Variants in TMEM178B observed in about 807,000 individuals in gnomAD.
The protein encoded by TMEM178B is transmembrane protein 178B.
In TMEM178B, 5 loss-of-function variants were observed where a neutral mutation model predicts 31.0. That is an observed-to-expected ratio of 0.16 (90% CI 0.08 to 0.34). The LOEUF (loss-of-function observed/expected upper bound fraction) is 0.34, where lower values mean the gene tolerates loss of function less well. Ranked by LOEUF, TMEM178B falls within the 10% of genes least tolerant of loss-of-function variation. The pLI, the probability that TMEM178B is intolerant of heterozygous loss-of-function variation, is 1.00. For synonymous variants in TMEM178B, 164 were observed against 164.0 expected, an observed-to-expected ratio of 1.00 and a Z score of 0.00; for missense variants, 275 against 400.3, an observed-to-expected ratio of 0.69 and a Z score of 2.67.
chr7:141,360,762 T>C (rs1799904612), intron 2 of TMEM178B, among the ~76,000 whole-genome samples: 1 of 152,224 alleles, frequency 6.6e-6, no homozygotes, highest in Middle Eastern at 3.2e-3. Context: ...AATAAAACAG[T>C]GTTTTAACTG....
At chr7:141,378,113 T>G (rs1372562737) in intron 2 of TMEM178B, among the ~76,000 whole-genome samples, 1 of 152,182 alleles carries the variant, frequency 6.6e-6, no homozygotes, top group Non-Finnish European at 1.5e-5. Context: ...ACCTTGACAG[T>G]TTTGAAGAAT....
At chr7:141,313,345 C>G (rs1336115262) in intron 2 of TMEM178B, among the ~76,000 whole-genome samples, 1 of 152,174 alleles carries the variant, frequency 6.6e-6, no homozygotes, top group East Asian at 1.9e-4. Flanking sequence ...CTCTTGGGCT[C>G]TCTCACGGTT....
chr7:141,287,969 C>T (rs566637602), intron 2 of TMEM178B, among the ~76,000 whole-genome samples: 13 of 152,282 alleles, frequency 8.5e-5, no homozygotes, highest in Admixed American at 2.0e-4. Flanking sequence ...TTCATCATTT[C>T]TTGCTTGTTT....
rs1799576439 is a variant in TMEM178B, at chr7:141,344,574, C to CCATTCCTT, written c.497-93033_497-93032insATTCCTTC. On this transcript the variant is annotated intron_variant, in intron 2 of 3. Transcript: ENST00000565468. The surrounding 1 kb of genome is among the most constrained non-coding windows in gnomAD (Gnocchi z 4.1). ...CTCCCTCCCTCCATTCCTCCCTCCT[C>CCATTCCTT]CCTTCCTTCCTTCCTTCCTTCCTTC... Among the ~76,000 whole-genome samples the CCATTCCTT allele has an allele frequency of 3.6e-5, 5 of 137,236 alleles. No homozygotes were observed. The highest frequency in any genetic ancestry group is 2.2e-4 in the Admixed American group (3 of 13,636). 90.0% of individuals were successfully genotyped at this position (137,236 alleles called of 152,430 possible).
intron 2 of TMEM178B, among the ~76,000 whole-genome samples, chr7:141,239,712 C>T (rs1797589806): frequency 6.6e-6 from 1 of 152,184 alleles, no homozygotes; most frequent in Non-Finnish European, 1.5e-5. Context: ...TGGGCTCATC[C>T]ATGGTGGTTT....
At chr7:141,251,315 T>C (rs1277729255) in intron 2 of TMEM178B, among the ~76,000 whole-genome samples, 2 of 151,728 alleles carry the variant, frequency 1.3e-5, no homozygotes, top group African/African-American at 2.4e-5. Context: ...GAATGACAGC[T>C]AGAGTGGCCT....
chr7:141,135,182 G>A lies in TMEM178B; in HGVS notation c.382+60490G>A, dbSNP rs557983903. Among the ~76,000 whole-genome samples, 8 of 152,238 alleles carry A rather than the reference G, an allele frequency of 5.3e-5. No homozygotes were observed. In the South Asian group the frequency reaches 1.0e-3, roughly 20 times the overall value. The stretch of plus-strand genomic sequence containing the variant: ...TATCAATTCAGCAAGAAGATATAAC[G>A]ATTTTAAATATATATGCACTCAACA... On this transcript the variant is annotated intron_variant, in intron 1 of 3. Transcript: ENST00000565468.
At chr7:141,214,567 TC>T (rs1797101332) in intron 2 of TMEM178B, among the ~76,000 whole-genome samples, 1 of 152,236 alleles carries the variant, frequency 6.6e-6, no homozygotes, top group African/African-American at 2.4e-5. Flanking sequence ...CAGATACTCT[TC>T]AGGGAAACCT....
In TMEM178B at chr7:141,341,638, G is replaced by C. The variant is rs35699233; in HGVS notation, c.497-95970G>C. ...ACAGGCAGTGGCTGGGAGGCTGCTTGGGATGACCACTAAGGGCTCTGCCAA... is the reference window on the plus strand; with the variant it reads ...ACAGGCAGTGGCTGGGAGGCTGCTTCGGATGACCACTAAGGGCTCTGCCAA... On this transcript the variant is annotated intron_variant, in intron 2 of 3. Transcript: ENST00000565468. Among the ~76,000 whole-genome samples the C allele has an allele frequency of 4.5e-3, 689 of 152,254 alleles. 5 individuals carry two copies. The highest frequency in any genetic ancestry group is 7.2e-3 in the Admixed American group (110 of 15,294).
chr7:141,370,955 G>GA (rs1485890307), intron 2 of TMEM178B, among the ~76,000 whole-genome samples: 1 of 152,234 alleles, frequency 6.6e-6, no homozygotes, highest in Non-Finnish European at 1.5e-5. Context: ...AGGTTCAGGG[G>GA]ATGAATGTAG....
At chr7:141,325,859 A>G (rs748095120) in intron 2 of TMEM178B, among the ~76,000 whole-genome samples, 11 of 152,186 alleles carry the variant, frequency 7.2e-5, no homozygotes, top group Non-Finnish European at 2.9e-5. Flanking sequence ...GAGCTCAGTC[A>G]TAAATAGACA....
intron 1 of TMEM178B, among the ~76,000 whole-genome samples, chr7:141,185,208 C>T (rs968441288): frequency 1.3e-5 from 2 of 152,148 alleles, no homozygotes; most frequent in South Asian, 2.1e-4. Context: ...TTAGTTTAGC[C>T]GTCCGTAGGT....
chr7:141,381,311 T>G (rs1015029994), intron 2 of TMEM178B, among the ~76,000 whole-genome samples: 1 of 152,300 alleles, frequency 6.6e-6, no homozygotes, highest in Non-Finnish European at 1.5e-5. Context: ...AACAGATAAT[T>G]CTAGTTTTTT....
At chr7:141,372,720 G>T (rs2116572191) in intron 2 of TMEM178B, among the ~76,000 whole-genome samples, 1 of 152,302 alleles carries the variant, frequency 6.6e-6, no homozygotes, top group East Asian at 1.9e-4. Flanking sequence ...CAAAACCTCA[G>T]AGAACTGCTT....
At chr7:141,356,174 G>A (rs1015815194) in intron 2 of TMEM178B, among the ~76,000 whole-genome samples, 2 of 152,124 alleles carry the variant, frequency 1.3e-5, no homozygotes, top group Non-Finnish European at 2.9e-5. Flanking sequence ...GTGCTGTGAT[G>A]AACATACAAA....
chr7:141,271,077 G>A (rs1478005836), intron 2 of TMEM178B, among the ~76,000 whole-genome samples: 3 of 152,122 alleles, frequency 2.0e-5, no homozygotes, highest in East Asian at 1.9e-4. Context: ...AGGGACAATC[G>A]ATTGTCTCCT....
rs996577546 is a variant in TMEM178B at position 141,318,520 on chromosome 7, G to A, written c.496+105816G>A. ...TTTTAAAACTTTTCACTCACACTAA[G>A]GTAAATACCATTTGTCACTCAATGA... On this transcript the variant is annotated intron_variant, in intron 2 of 3. Coordinates refer to ENST00000565468, the MANE Select transcript of TMEM178B (RefSeq NM_001195278.2). The surrounding 1 kb of genome is among the most constrained non-coding windows in gnomAD (Gnocchi z 4.1). Among the ~76,000 whole-genome samples the A allele has an allele frequency of 2.0e-5, 3 of 152,124 alleles. No individual in the cohort carries two copies. The East Asian group carries it at 5.8e-4, about 29-fold the overall frequency.
At chr7:141,243,145 T>G (rs1243456657) in intron 2 of TMEM178B, among the ~76,000 whole-genome samples, 1 of 152,140 alleles carries the variant, frequency 6.6e-6, no homozygotes, top group Non-Finnish European at 1.5e-5. Flanking sequence ...CAAAGTCATG[T>G]GACCCTGGCT....
intron 2 of TMEM178B, among the ~76,000 whole-genome samples, chr7:141,346,260 A>T (rs1333427790): frequency 6.6e-6 from 1 of 152,008 alleles, no homozygotes; most frequent in Non-Finnish European, 1.5e-5. Context: ...AAACAAAAAA[A>T]CCTCTTTACC....
Sources: gnomAD v4.1 joint callset for allele counts (sites outside exome capture counted in the v4.1 genomes callset) on GRCh38, gnomAD v4.1.1 for gene constraint, Gnocchi (gnomAD v3.1) non-coding constraint, MANE v1.5 for transcripts, NCBI Gene and HGNC (gene_info 2026-07-23, HGNC 2026-07-21) for gene names.